The following SUGCT variants were observed in gnomAD, a reference collection of about 807,000 sequenced individuals.
The protein encoded by SUGCT is succinyl-CoA:glutarate CoA-transferase.
SUGCT carries 41 observed loss-of-function variants against 55.0 expected under a neutral mutation model. The observed-to-expected ratio is 0.74, with a 90% CI of 0.58 to 0.97. SUGCT has a LOEUF of 0.97. Among genes scored for constraint, SUGCT ranks in the 50% least tolerant of loss-of-function variants. The probability of loss-of-function intolerance (pLI) is 0.00; values close to 1 mark genes in which losing one functional copy is unlikely to be tolerated. For synonymous variants in SUGCT, 187 were observed against 200.4 expected (o/e 0.93, Z 0.56); for missense variants, 568 against 547.8 (o/e 1.04, Z -0.37).
chr7:40,570,228 T>C (rs1477454270), intron 12 of SUGCT, among the ~76,000 whole-genome samples: 1 of 152,240 alleles, frequency 6.6e-6, no homozygotes, highest in Non-Finnish European at 1.5e-5. Flanking sequence ...GAGAACATAC[T>C]AAAGATTAAT....
chr7:40,191,144 G>C (rs1039644287), intron 5 of SUGCT, among the ~76,000 whole-genome samples: 1 of 152,126 alleles, frequency 6.6e-6, no homozygotes, highest in Non-Finnish European at 1.5e-5. Context: ...AGCCTGCGGA[G>C]TAGCTGAGTC....
intron 13 of SUGCT, among the ~76,000 whole-genome samples, chr7:40,822,865 A>G (rs1188395892): frequency 1.3e-5 from 2 of 152,172 alleles, no homozygotes; most frequent in African/African-American, 2.4e-5. Flanking sequence ...GGCAGCTAGA[A>G]ACACAAGTTA....
At chr7:40,510,984 G>A (rs1032165586) in intron 12 of SUGCT, among the ~76,000 whole-genome samples, 1 of 152,106 alleles carries the variant, frequency 6.6e-6, no homozygotes, top group Non-Finnish European at 1.5e-5. Context: ...GATGGAGTTA[G>A]GGATATCTGA....
At chr7:40,277,909 A>G (rs1004590360) in intron 8 of SUGCT, among the ~76,000 whole-genome samples, 48 of 151,870 alleles carry the variant, frequency 3.2e-4, no homozygotes, top group Non-Finnish European at 5.1e-4. Flanking sequence ...TCATTGTTCA[A>G]TTCCCATCTA....
the SUGCT span, among the ~76,000 whole-genome samples, chr7:40,874,829 T>G: frequency 6.6e-6 from 1 of 152,328 alleles, no homozygotes; most frequent in African/African-American, 2.4e-5. Context: ...TCTGGAAGAA[T>G]ATATATTTAT....
chr7:40,304,768 G>T (rs1010913090), intron 8 of SUGCT, among the ~76,000 whole-genome samples: 1 of 145,922 alleles, frequency 6.9e-6, no homozygotes, highest in African/African-American at 2.5e-5. Flanking sequence ...TAATCATCCA[G>T]GTTGCTGTTA....
intron 10 of SUGCT, among the ~76,000 whole-genome samples, chr7:40,452,168 T>A (rs1049511226): frequency 3.3e-5 from 5 of 152,238 alleles, no homozygotes; most frequent in African/African-American, 1.2e-4. Context: ...TGGGTTCAAG[T>A]CTGAGGTTCC....
chr7:40,172,222 TTG>T (rs1784711826), intron 1 of SUGCT, among the ~76,000 whole-genome samples: 1 of 152,206 alleles, frequency 6.6e-6, no homozygotes, highest in East Asian at 1.9e-4. Context: ...GGCTTGGAGA[TTG>T]TATTGCAGTG....
intron 7 of SUGCT, among the ~76,000 whole-genome samples, chr7:40,238,012 A>G (rs1365992023): frequency 6.6e-6 from 1 of 152,218 alleles, no homozygotes; most frequent in Non-Finnish European, 1.5e-5. Context: ...GATGGTGAAC[A>G]CACTTTCCAC....
At chr7:40,767,941 A>G (rs12534734) in intron 13 of SUGCT, among the ~76,000 whole-genome samples, 2,042 of 152,276 alleles carry the variant, frequency 0.013, 143 homozygotes, top group East Asian at 0.091. Flanking sequence ...CAAGGGAAGA[A>G]GGCAGACTTT....
chr7:40,510,052 T>C (rs564803338), intron 12 of SUGCT, among the ~76,000 whole-genome samples: 1 of 152,256 alleles, frequency 6.6e-6, no homozygotes, highest in South Asian at 2.1e-4. Flanking sequence ...TAAGTACTTA[T>C]TCATGGGAAT....
At chr7:40,151,670 C>T (rs1014237484) in intron 1 of SUGCT, 2 of 217,908 alleles carry the variant, frequency 9.2e-6, no homozygotes, top group African/African-American at 4.6e-5. Context: ...TGCATGAGAA[C>T]CAGAGGTCTG....
intron 7 of SUGCT, among the ~76,000 whole-genome samples, chr7:40,257,554 AT>A (rs2150952788): frequency 6.6e-6 from 1 of 152,282 alleles, no homozygotes; most frequent in South Asian, 2.1e-4. Flanking sequence ...GTTAATATAA[AT>A]GGTTTGTTTC....
At chr7:41,029,816 G>C in the SUGCT span, among the ~76,000 whole-genome samples, 1 of 152,110 alleles carries the variant, frequency 6.6e-6, no homozygotes, top group Non-Finnish European at 1.5e-5. Flanking sequence ...TATTCTATGA[G>C]TTTTGGCAAA....
At chr7:41,014,332 A>G in the SUGCT span, among the ~76,000 whole-genome samples, 6 of 152,206 alleles carry the variant, frequency 3.9e-5, no homozygotes, top group Non-Finnish European at 5.9e-5. Context: ...TTCAGTGACT[A>G]CTTCATAAAA....
At chr7:40,155,767 G>T (rs1052804872) in intron 1 of SUGCT, among the ~76,000 whole-genome samples, 61 of 152,046 alleles carry the variant, frequency 4.0e-4, no homozygotes, top group African/African-American at 1.5e-3. Context: ...GCAAGTAAGG[G>T]TAACAAGACA....
chr7:40,277,979 A>G (rs1554300484), intron 8 of SUGCT, among the ~76,000 whole-genome samples: 1 of 151,812 alleles, frequency 6.6e-6, no homozygotes. Flanking sequence ...GAGAATGATG[A>G]TTTCCAGCTT....
At chr7:40,764,589 T>A (rs1788688429) in intron 13 of SUGCT, among the ~76,000 whole-genome samples, 1 of 151,892 alleles carries the variant, frequency 6.6e-6, no homozygotes, top group Non-Finnish European at 1.5e-5. Context: ...TAAAAAAAAA[T>A]AAGTGACTTA....
chr7:40,886,710 A>G, the SUGCT span, among the ~76,000 whole-genome samples: 1 of 152,206 alleles, frequency 6.6e-6, no homozygotes, highest in African/African-American at 2.4e-5. Flanking sequence ...GCCAACTCCC[A>G]GAATTATTAA....
Sources: gnomAD v4.1 joint callset for allele counts (sites outside exome capture counted in the v4.1 genomes callset) on GRCh38, gnomAD v4.1.1 for gene constraint, MANE v1.5 for transcripts, NCBI Gene and HGNC (gene_info 2026-07-23, HGNC 2026-07-21) for gene names.